ASPRV1: variants seen among roughly 807,000 people sequenced by gnomAD.
The protein encoded by ASPRV1 is retroviral-like aspartic protease 1.
A neutral mutation model predicts 11.0 loss-of-function variants in ASPRV1; 7 were observed. The ratio of observed to expected loss-of-function variants is 0.64; its 90% CI spans 0.36 to 1.20. The LOEUF (loss-of-function observed/expected upper bound fraction) is 1.20. Among genes scored for constraint, ASPRV1 ranks in the 50% most tolerant of loss-of-function variants. ASPRV1 has a pLI of 0.02. For synonymous variants in ASPRV1, 136 were observed against 138.4 expected (o/e 0.98, Z 0.12); for missense variants, 299 against 320.0 (o/e 0.93, Z 0.50).
At chr2:70,019,806 T>C in the ASPRV1 span, among the ~76,000 whole-genome samples, 1 of 152,116 alleles carries the variant, frequency 6.6e-6, no homozygotes, top group African/African-American at 2.4e-5. Context: ...CAAAATTTGT[T>C]AGACAGGAGG....
the ASPRV1 span, among the ~76,000 whole-genome samples, chr2:70,010,712 T>G: frequency 2.0e-5 from 3 of 152,186 alleles, no homozygotes; most frequent in Non-Finnish European, 4.4e-5. Context: ...AGTCTGAACA[T>G]GAGAGCTGCT....
chr2:69,992,661 C>A, the ASPRV1 span, among the ~76,000 whole-genome samples: 1 of 152,300 alleles, frequency 6.6e-6, no homozygotes, highest in South Asian at 2.1e-4. Context: ...TTTGATCAAG[C>A]CCTACTCCAT....
At chr2:70,072,958 G>C in the ASPRV1 span, 15 of 151,516 alleles carry the variant, frequency 9.9e-5, no homozygotes, top group African/African-American at 2.9e-4. Context: ...CCAGCTACTC[G>C]GAGAAGGGAG....
upstream of ASPRV1, among the ~76,000 whole-genome samples, chr2:69,963,738 C>A (rs537069152): frequency 6.6e-6 from 1 of 152,288 alleles, no homozygotes; most frequent in East Asian, 1.9e-4. Flanking sequence ...CACATCACCT[C>A]CATGAGGAGT....
At chr2:69,988,505 G>A in the ASPRV1 span, 2 of 313,346 alleles carry the variant, frequency 6.4e-6, no homozygotes. Flanking sequence ...GGTTGCAGGA[G>A]CTGCAGGGAG....
At chr2:70,043,103 AGAT>A in the ASPRV1 span, among the ~76,000 whole-genome samples, 1 of 152,310 alleles carries the variant, frequency 6.6e-6, no homozygotes, top group South Asian at 2.1e-4. Context: ...GGTGAATGAA[AGAT>A]GATGCCAAGT....
downstream of ASPRV1, among the ~76,000 whole-genome samples, chr2:69,956,263 G>C (rs1677933035): frequency 6.6e-6 from 1 of 152,020 alleles, no homozygotes; most frequent in South Asian, 2.1e-4. Flanking sequence ...TAAATGAGTA[G>C]AGAAAGCTCT....
the ASPRV1 span, among the ~76,000 whole-genome samples, chr2:69,933,060 G>A: frequency 1.3e-5 from 2 of 151,796 alleles, no homozygotes; most frequent in Admixed American, 6.6e-5. Context: ...TTAGCCGGAC[G>A]TGGTGGCGGG....
chr2:70,001,098 T>C, the ASPRV1 span, among the ~76,000 whole-genome samples: 1 of 152,048 alleles, frequency 6.6e-6, no homozygotes, highest in Admixed American at 6.6e-5. Context: ...GGAAGGCAAT[T>C]TGACAATATG....
At chr2:69,945,660 G>A in the ASPRV1 span, among the ~76,000 whole-genome samples, 2 of 152,234 alleles carry the variant, frequency 1.3e-5, no homozygotes, top group African/African-American at 4.8e-5. Flanking sequence ...CCGGCTGTGG[G>A]TGAAGGCAGC....
the ASPRV1 span, among the ~76,000 whole-genome samples, chr2:70,008,393 GT>G: frequency 4.6e-5 from 7 of 152,058 alleles, no homozygotes; most frequent in Admixed American, 3.3e-4. Flanking sequence ...TTAATTTCAG[GT>G]ATGTCTGAAT....
chr2:69,984,610 CTTTTTTTTTTT>C, the ASPRV1 span, among the ~76,000 whole-genome samples: 3 of 65,338 alleles, frequency 4.6e-5, no homozygotes, highest in South Asian at 8.7e-4. Flanking sequence ...TCAGGTCCAG[CTTTTTTTTTTT>C]TTTTTTTTTT....
At chr2:69,998,121 A>G in the ASPRV1 span, 1 of 145,016 alleles carries the variant, frequency 6.9e-6, no homozygotes, top group Non-Finnish European at 1.5e-5. Context: ...TCCTCACACC[A>G]TTTCCTGATA....
the ASPRV1 span, among the ~76,000 whole-genome samples, chr2:69,934,290 T>C: frequency 6.6e-6 from 1 of 152,198 alleles, no homozygotes. Flanking sequence ...AAGGAGGTGG[T>C]AAGCTTAAGC....
At chr2:69,948,776 C>A in the ASPRV1 span, among the ~76,000 whole-genome samples, 2 of 151,278 alleles carry the variant, frequency 1.3e-5, no homozygotes, top group African/African-American at 4.9e-5. Flanking sequence ...CCGCTCTGCC[C>A]ACGCCCCCCG....
chr2:69,945,718 C>G, the ASPRV1 span, among the ~76,000 whole-genome samples: 1 of 152,220 alleles, frequency 6.6e-6, no homozygotes, highest in Non-Finnish European at 1.5e-5. Flanking sequence ...GGCGAACCAT[C>G]TTATCCAAAG....
the ASPRV1 span, chr2:69,988,733 G>T: frequency 6.6e-6 from 3 of 454,396 alleles, no homozygotes; most frequent in African/African-American, 6.0e-5. Flanking sequence ...CCTTCCCCAT[G>T]GAACTTACGT....
At chr2:69,976,867 A>C in the ASPRV1 span, among the ~76,000 whole-genome samples, 1 of 152,098 alleles carries the variant, frequency 6.6e-6, no homozygotes, top group Non-Finnish European at 1.5e-5. Flanking sequence ...CTGACAAAAC[A>C]CACACACTCA....
chr2:70,002,623 A>G, the ASPRV1 span, among the ~76,000 whole-genome samples: 1 of 152,220 alleles, frequency 6.6e-6, no homozygotes, highest in African/African-American at 2.4e-5. Flanking sequence ...TATTGCCCTC[A>G]CATCCAGAGG....
Sources: allele counts gnomAD v4.1 joint callset (sites outside exome capture counted in the v4.1 genomes callset), GRCh38; gene constraint gnomAD v4.1.1; transcripts MANE v1.5; gene names NCBI Gene and HGNC (gene_info 2026-07-23, HGNC 2026-07-21).